The following ZNF605 variants were observed in gnomAD, a reference collection of about 807,000 sequenced individuals.
The protein encoded by ZNF605 is zinc finger protein 605.
Under a neutral mutation model 7.9 loss-of-function variants are expected in ZNF605, and 9 were observed. The observed-to-expected ratio is 1.14, with a 90% CI of 0.68 to 1.98. The LOEUF is 1.98. Among genes scored for constraint, ZNF605 ranks in the 30% most tolerant of loss-of-function variants. The pLI, the probability that ZNF605 is intolerant of heterozygous loss-of-function variation, is 0.00. For missense variants in ZNF605, 673 were observed against 762.4 expected (o/e 0.88, Z 1.38); for synonymous variants, 255 against 260.1 (o/e 0.98, Z 0.19).
Position 132,923,811 on chromosome 12 carries a change from C to G in ZNF605, c.*1562G>C, listed in dbSNP as rs1952223715. 6.6e-6 allele frequency: 1 copy of G among 152,144 alleles called. No individual in the cohort carries two copies. Among genetic ancestry groups the G allele is most frequent in the Admixed American group, 6.5e-5 (1 of 15,280 alleles). The allele number at this position is 152,144 out of a possible 1,614,324, so 9.4% of individuals were successfully genotyped here. On this transcript the variant is annotated 3_prime_UTR_variant, in exon 5 of 5. Coordinates refer to ENST00000360187, the MANE Select transcript of ZNF605 (RefSeq NM_183238.4). ...TTCATTTTCTCCTCTCCTTCTGGGA[C>G]TCCAGTTAAACATATATTACACTAC...
rs1037518327 is a variant in ZNF605, at chr12:132,947,987, C to T, written c.-163+161G>A. The stretch of plus-strand genomic sequence containing the variant: ...GCTGATTTCTGAAGGAAAGTGCAGG[C>T]GGTATCTTTTCCAGTTTTAAAAACT... On this transcript the variant is annotated intron_variant, in intron 2 of 4. Coordinates refer to ENST00000360187, the MANE Select transcript of ZNF605 (RefSeq NM_183238.4). Among the ~76,000 whole-genome samples, 25 of 152,160 alleles carry T rather than the reference C, an allele frequency of 1.6e-4. No homozygotes were observed. In the East Asian group the frequency reaches 3.1e-3, roughly 19 times the overall value.
chr12:132,953,593 A>C (rs928747308), intron 1 of ZNF605, among the ~76,000 whole-genome samples: 111 of 151,988 alleles, frequency 7.3e-4, no homozygotes, highest in Middle Eastern at 3.4e-3. Flanking sequence ...TGCCCAGCTA[A>C]TTTTTGTATT....
At chr12:132,929,777 T>A (rs1048297498) in intron 4 of ZNF605, among the ~76,000 whole-genome samples, 1 of 151,998 alleles carries the variant, frequency 6.6e-6, no homozygotes, top group African/African-American at 2.4e-5. Flanking sequence ...AAACCCCATT[T>A]CTACTAAAAA....
chr12:132,926,308 G>A lies in ZNF605; in HGVS notation c.991C>T (p.His331Tyr). 6.2e-7 allele frequency: 1 copy of A among 1,614,102 alleles called. No individual in the cohort carries two copies. The highest frequency in any genetic ancestry group is 8.5e-7 in the Non-Finnish European group (1 of 1,180,014). The change falls in exon 5 of 5, where the codon CAC (histidine) becomes TAC (tyrosine). Residue 331 changes from histidine to tyrosine, a missense_variant. By Grantham distance (83) the His-to-Tyr change is moderately conservative (BLOSUM62 2). Transcript: ENST00000360187. ...CATCCGTAAGGTTTCTTCCCTGTGT[G>A]GGTCCTCTGATGAGTAATCAGCTGC... ...KSQLITHQRT[H>Y]TGKKPYGCGE... is the part of the protein sequence containing the mutation.
At chr12:132,936,274 G>T (rs1344275873) in intron 3 of ZNF605, among the ~76,000 whole-genome samples, 2 of 151,954 alleles carry the variant, frequency 1.3e-5, no homozygotes, top group African/African-American at 4.8e-5. Context: ...AATAAGTAAA[G>T]TTAAGAAGTC....
rs934865045 is a variant in ZNF605, at chr12:132,925,316, T to C, written c.*57A>G. 2.7e-5 allele frequency: 36 copies of C among 1,324,756 alleles called. No individual in the cohort carries two copies. Among genetic ancestry groups the C allele is most frequent in the African/African-American group, 4.4e-5 (3 of 67,920 alleles). The allele number at this position is 1,324,756 out of a possible 1,614,324, so 82.1% of individuals were successfully genotyped here. A position where few individuals can be genotyped will look rare whatever the true frequency, so the allele number is the denominator to read the frequency against. ...TCTCTCCCACATGCATCCTCAAAAG[T>C]GTCAGAAAGTATGACACTTGATAGC... On this transcript the variant is annotated 3_prime_UTR_variant, in exon 5 of 5. Coordinates refer to ENST00000360187, the MANE Select transcript of ZNF605 (RefSeq NM_183238.4).
chr12:132,950,000 G>A (rs1952540591), intron 1 of ZNF605, among the ~76,000 whole-genome samples: 1 of 152,006 alleles, frequency 6.6e-6, no homozygotes. Context: ...ATCCAAAGAC[G>A]CAGCTCCTCC....
intron 4 of ZNF605, among the ~76,000 whole-genome samples, chr12:132,929,035 A>AAAC (rs1491152961): frequency 1.4e-4 from 2 of 14,712 alleles, no homozygotes; most frequent in African/African-American, 1.9e-4. Context: ...AAAACAAAAC[A>AAAC]AAACAAAACA....
rs1412487418 is a variant in ZNF605 at position 132,932,839 on chromosome 12, A to G, written c.136+196T>C. 4 of 1,491,150 alleles carry G rather than the reference A, an allele frequency of 2.7e-6. No individual in the cohort carries two copies. In the African/African-American group the frequency reaches 5.6e-5, roughly 21 times the overall value. 92.4% of individuals were successfully genotyped at this position (1,491,150 alleles called of 1,614,324 possible). On this transcript the variant is annotated intron_variant, in intron 4 of 4. Transcript: ENST00000360187. ...TGGAAACACAGAGGACTTGGACCTA[A>G]CTGCCTGGGCTAAGAGTCTTAAATA... is the stretch of plus-strand genomic sequence containing the variant.
rs762815477 is a variant in ZNF605, at chr12:132,952,772, C to T, written c.-286+3471G>A. On this transcript the variant is annotated intron_variant, in intron 1 of 4. Coordinates refer to ENST00000360187, the MANE Select transcript of ZNF605 (RefSeq NM_183238.4). ...GAACTTTTAAAAAAGGAAATAATCA[C>T]GTAAAAAGAGTGATCACTGATCAGC... Among the ~76,000 whole-genome samples the T allele has an allele frequency of 5.1e-4, 77 of 152,074 alleles. No individual in the cohort carries two copies. In the South Asian group the frequency reaches 9.3e-3, roughly 18 times the overall value.
chr12:132,945,426 C>T (rs1441027466), intron 3 of ZNF605, 195 bp downstream of exon 3: 1 of 1,320,356 alleles, frequency 7.6e-7, no homozygotes, highest in African/African-American at 1.5e-5. Flanking sequence ...ACCGATAACC[C>T]ACCTGTGACT....
At chr12:132,934,016 G>T (rs1022739201) in intron 3 of ZNF605, among the ~76,000 whole-genome samples, 1 of 152,166 alleles carries the variant, frequency 6.6e-6, no homozygotes, top group African/African-American at 2.4e-5. Flanking sequence ...CAGCACTTTG[G>T]GAGGCTGAGG....
chr12:132,939,011 C>A (rs1224175424), intron 3 of ZNF605, among the ~76,000 whole-genome samples: 6 of 151,594 alleles, frequency 4.0e-5, no homozygotes, highest in Non-Finnish European at 4.4e-5. Context: ...TGGGCACCTG[C>A]AGCCCACCAT....
rs1427568235 is a variant in ZNF605 at position 132,931,053 on chromosome 12, G to C, written c.136+1982C>G. ...AATTTTTAAAAATTAGCTTGGTGTG[G>C]TGGTAGTCTCAGCTACTGGGGAGGC... On this transcript the variant is annotated intron_variant, in intron 4 of 4. Coordinates refer to ENST00000360187, the MANE Select transcript of ZNF605 (RefSeq NM_183238.4). 2.0e-5 allele frequency among the ~76,000 whole-genome samples: 3 copies of C among 152,156 alleles called. No homozygotes were observed. In the East Asian group the frequency reaches 5.8e-4, roughly 29 times the overall value.
At chr12:132,951,377 C>T (rs965821907) in intron 1 of ZNF605, among the ~76,000 whole-genome samples, 2 of 148,006 alleles carry the variant, frequency 1.4e-5, no homozygotes, top group Non-Finnish European at 2.9e-5. Context: ...GTACATCACA[C>T]ATATACGTAC....
rs1003583692 is a variant in ZNF605, at chr12:132,933,893, T to C, written c.16-738A>G. On this transcript the variant is annotated intron_variant, in intron 3 of 4. Coordinates refer to ENST00000360187, the MANE Select transcript of ZNF605 (RefSeq NM_183238.4). This position sits in a 1 kb window ranked among gnomAD's most constrained non-coding sequence, Gnocchi z 4.4. ...CTAGTATTTGAGAACCATTCTTAGG[T>C]AAGGAATACTGTTCCATGCAGTTGA... 9.2e-5 allele frequency among the ~76,000 whole-genome samples: 14 copies of C among 152,184 alleles called. No individual in the cohort carries two copies. The highest frequency in any genetic ancestry group is 1.5e-4 in the Non-Finnish European group (10 of 68,032).
intron 3 of ZNF605, among the ~76,000 whole-genome samples, chr12:132,937,991 A>G (rs1171982050): frequency 1.3e-5 from 2 of 152,126 alleles, no homozygotes; most frequent in Non-Finnish European, 2.9e-5. Context: ...TTTATTTATT[A>G]TTTATTTGAG....
rs1486285049 is a variant in ZNF605, at chr12:132,925,225, A to T, written c.*148T>A. On this transcript the variant is annotated 3_prime_UTR_variant, in exon 5 of 5. Transcript: ENST00000360187. ...GCTTTTTAAAAACTTCTCTTTCTAA[A>T]TTCTGCTTAGTGACTCTTGACTCCT... is the stretch of plus-strand genomic sequence containing the variant. 8.8e-6 allele frequency: 5 copies of T among 568,356 alleles called. No individual in the cohort carries two copies. Among genetic ancestry groups the T allele is most frequent in the Non-Finnish European group, 1.5e-5 (5 of 339,042 alleles). The allele number at this position is 568,356 out of a possible 1,614,324, so 35.2% of individuals were successfully genotyped here. A position where few individuals can be genotyped will look rare whatever the true frequency, so the allele number is the denominator to read the frequency against.
chr12:132,943,753 CAA>C (rs1221461177), intron 3 of ZNF605, among the ~76,000 whole-genome samples: 2 of 146,772 alleles, frequency 1.4e-5, no homozygotes, highest in African/African-American at 2.5e-5. Context: ...CGGCTGAGGG[CAA>C]AGAGACAATC....
Sources: allele counts gnomAD v4.1 joint callset (sites outside exome capture counted in the v4.1 genomes callset), GRCh38; gene constraint gnomAD v4.1.1; non-coding constraint Gnocchi (gnomAD v3.1); transcripts MANE v1.5; gene names NCBI Gene and HGNC (gene_info 2026-07-23, HGNC 2026-07-21).